Variants in ITGAL observed in about 807,000 individuals in gnomAD.
ITGAL encodes the protein integrin subunit alpha L, also known as integrin alpha-L.
A neutral mutation model predicts 138.4 loss-of-function variants in ITGAL; 68 were observed. The observed-to-expected ratio is 0.49, with a 90% CI of 0.40 to 0.60. The LOEUF is 0.60. Ranked by LOEUF, ITGAL falls within the 20% of genes least tolerant of loss-of-function variation. The probability of loss-of-function intolerance (pLI) is 0.00; values close to 1 mark genes in which losing one functional copy is unlikely to be tolerated. For missense variants in ITGAL, 1,256 were observed against 1,478.6 expected, an observed-to-expected ratio of 0.85 and a Z score of 2.47; for synonymous variants, 561 against 584.3, an observed-to-expected ratio of 0.96 and a Z score of 0.57.
At chr16:30,512,168 A>T (rs989183767) in intron 24 of ITGAL, among the ~76,000 whole-genome samples, 1 of 152,208 alleles carries the variant, frequency 6.6e-6, no homozygotes, top group African/African-American at 2.4e-5. Flanking sequence ...ATGTTATCTC[A>T]GTGCTCTAAA....
At chr16:30,495,445 C>T (rs953619821) in intron 13 of ITGAL, among the ~76,000 whole-genome samples, 2 of 152,178 alleles carry the variant, frequency 1.3e-5, no homozygotes, top group African/African-American at 4.8e-5. Context: ...AGGCGTGAGC[C>T]GCTGCACCTG....
In ITGAL at chr16:30,494,771, C is replaced by T. The variant is rs1424238290; in HGVS notation, c.1424C>T (p.Thr475Ile). ...CGVDVDQDGE[T>I]ELLLIGAPLF... ...GTCGACGTGGACCAAGATGGGGAGA[C>T]AGAGCTGCTGCTGATTGGTGCCCCA... Residue 475 changes from threonine (T) to isoleucine (I), a missense_variant, in exon 13 of 31, where the codon ACA (threonine) becomes ATA (isoleucine). This residue lies in a region of ITGAL where 867 missense variants were observed against 972.5 expected (regional missense o/e 0.89). Coordinates refer to ENST00000356798, the MANE Select transcript of ITGAL (RefSeq NM_002209.3). The surrounding 1 kb of genome is among the most constrained non-coding windows in gnomAD (Gnocchi z 4.2). 1.9e-6 allele frequency: 3 copies of T among 1,613,450 alleles called. No individual in the cohort carries two copies. The highest frequency in any genetic ancestry group is 1.7e-6 in the Non-Finnish European group (2 of 1,179,618).
At chr16:30,500,374 C>G (rs901752787) in intron 17 of ITGAL, among the ~76,000 whole-genome samples, 2 of 151,830 alleles carry the variant, frequency 1.3e-5, no homozygotes, top group African/African-American at 4.8e-5. Context: ...GCATGAGCCA[C>G]TGCCCCCGGC....
At chr16:30,517,175 G>T in intron 26 of ITGAL, 89 bp downstream of exon 26, 2 of 864,532 alleles carry the variant, frequency 2.3e-6, no homozygotes, top group Admixed American at 2.3e-5. Flanking sequence ...GCTTGGCCAG[G>T]TGCGGTGGCT....
In ITGAL at chr16:30,522,588, G is replaced by C. The variant is rs1026159171; in HGVS notation, c.*923G>C. On this transcript the variant is annotated 3_prime_UTR_variant, in exon 31 of 31. Coordinates refer to ENST00000356798, the MANE Select transcript of ITGAL (RefSeq NM_002209.3). The surrounding 1 kb of genome is among the most constrained non-coding windows in gnomAD (Gnocchi z 4.0). ...ACCTTGGGATGATGCCTCATGATAT[G>C]TCAGGGCGTGGGACATCTAGTAGGT... is the stretch of plus-strand genomic sequence containing the variant. 2.0e-5 allele frequency: 3 copies of C among 152,184 alleles called. No individual in the cohort carries two copies. The highest frequency in any genetic ancestry group is 4.4e-5 in the Non-Finnish European group (3 of 68,046). 9.4% of individuals were successfully genotyped at this position (152,184 alleles called of 1,614,324 possible). A position where few individuals can be genotyped will look rare whatever the true frequency, so the allele number is the denominator to read the frequency against.
At chr16:30,519,501 A>G (rs1042116291) in intron 29 of ITGAL, among the ~76,000 whole-genome samples, 5 of 152,208 alleles carry the variant, frequency 3.3e-5, no homozygotes, top group South Asian at 4.1e-4. Context: ...CTCTGTGGTG[A>G]GTGTTGGCAG....
At chr16:30,515,453 C>A (rs1263420063) in intron 25 of ITGAL, among the ~76,000 whole-genome samples, 1 of 152,222 alleles carries the variant, frequency 6.6e-6, no homozygotes, top group Non-Finnish European at 1.5e-5. Flanking sequence ...CACTCTCTTC[C>A]TCTGCCACCT....
At chr16:30,505,125 A>C (rs1390691325) in intron 18 of ITGAL, 119 bp from the exon 19 acceptor site, 2 of 943,506 alleles carry the variant, frequency 2.1e-6, no homozygotes, top group East Asian at 5.4e-5. Context: ...GCTCCTGGGC[A>C]GGGCCAACCA....
chr16:30,487,142 CAAAAAAAAAAAAA>C (rs1165678423), intron 9 of ITGAL, among the ~76,000 whole-genome samples: 1 of 42,974 alleles, frequency 2.3e-5, no homozygotes, highest in African/African-American at 9.1e-5. Flanking sequence ...GACTCCGTCT[CAAAAAAAAAAAAA>C]AAAAAAAAAG....
intron 24 of ITGAL, among the ~76,000 whole-genome samples, chr16:30,512,786 C>A (rs2051108523): frequency 1.3e-5 from 2 of 152,106 alleles, no homozygotes. Context: ...CTGCAACCTC[C>A]TCCTCCAGGG....
intron 30 of ITGAL, among the ~76,000 whole-genome samples, chr16:30,520,836 G>A (rs1009352426): frequency 6.6e-6 from 1 of 152,196 alleles, no homozygotes; most frequent in Non-Finnish European, 1.5e-5. Flanking sequence ...TGTAATCCGA[G>A]CACTTTGGGA....
At chr16:30,474,430 G>A in intron 2 of ITGAL, 132 bp downstream of exon 2, 4 of 638,024 alleles carry the variant, frequency 6.3e-6, no homozygotes, top group South Asian at 1.9e-5. Flanking sequence ...CCCGTCTGGA[G>A]GAGCCTGTGG....
chr16:30,494,965 G>A lies in ITGAL; in HGVS notation c.1503+115G>A, dbSNP rs982469615. On this transcript the variant is annotated intron_variant, in intron 13 of 30. Transcript: ENST00000356798. The surrounding 1 kb of genome is among the most constrained non-coding windows in gnomAD (Gnocchi z 4.2). ...CACGTGGCGATCAAACTTTTAGAAC[G>A]ACAGAGAGGCAATAGCAAATCCTCA... 42 of 1,142,004 alleles carry A rather than the reference G, an allele frequency of 3.7e-5. No individual in the cohort carries two copies. The highest frequency in any genetic ancestry group is 2.1e-4 in the Middle Eastern group (1 of 4,856). The allele number at this position is 1,142,004 out of a possible 1,614,324, so 70.7% of individuals were successfully genotyped here. A position where few individuals can be genotyped will look rare whatever the true frequency, so the allele number is the denominator to read the frequency against.
chr16:30,501,838 C>T (rs894235078), intron 17 of ITGAL, among the ~76,000 whole-genome samples: 1 of 152,016 alleles, frequency 6.6e-6, no homozygotes. Context: ...CAACACCAGC[C>T]TGGGCAACAT....
chr16:30,485,925 C>T (rs1174084408), intron 9 of ITGAL, among the ~76,000 whole-genome samples: 6 of 152,074 alleles, frequency 3.9e-5, no homozygotes, highest in African/African-American at 1.2e-4. Context: ...ATCTGAGCCC[C>T]GCAGAGTGAA....
At chr16:30,497,433 A>G (rs2050818526) in intron 15 of ITGAL, among the ~76,000 whole-genome samples, 1 of 150,834 alleles carries the variant, frequency 6.6e-6, no homozygotes, top group South Asian at 2.1e-4. Flanking sequence ...CTTGAGCTCA[A>G]GAGTTTGAGA....
chr16:30,476,776 G>A (rs913439652), intron 4 of ITGAL, among the ~76,000 whole-genome samples: 1 of 152,048 alleles, frequency 6.6e-6, no homozygotes, highest in African/African-American at 2.4e-5. Flanking sequence ...GGGATTACAG[G>A]CGTGTGCCAC....
chr16:30,520,183 C>T (rs1357896361), intron 30 of ITGAL, among the ~76,000 whole-genome samples: 1 of 152,178 alleles, frequency 6.6e-6, no homozygotes, highest in African/African-American at 2.4e-5. Flanking sequence ...ACCTGTAATC[C>T]CAGCACTTTG....
intron 24 of ITGAL, among the ~76,000 whole-genome samples, chr16:30,513,485 G>C (rs1156994543): frequency 6.6e-6 from 1 of 152,210 alleles, no homozygotes; most frequent in Non-Finnish European, 1.5e-5. Flanking sequence ...GCAGGGCCCA[G>C]AGGACAGTGG....
Sources: gnomAD v4.1 joint callset for allele counts (sites outside exome capture counted in the v4.1 genomes callset) on GRCh38, gnomAD v4.1.1 for gene constraint, gnomAD v4.1.1 regional missense constraint, Gnocchi (gnomAD v3.1) non-coding constraint, MANE v1.5 for transcripts, NCBI Gene and HGNC (gene_info 2026-07-23, HGNC 2026-07-21) for gene names.